Variants in PPP2R2B observed in about 807,000 individuals in gnomAD.
PPP2R2B encodes the protein serine/threonine-protein phosphatase 2A 55 kDa regulatory subunit B beta isoform.
Under a neutral mutation model 46.0 loss-of-function variants are expected in PPP2R2B, and 5 were observed. The observed-to-expected ratio is 0.11, with a 90% confidence interval of 0.06 to 0.23. PPP2R2B has a LOEUF of 0.23. Among genes scored for constraint, PPP2R2B ranks in the 10% least tolerant of loss-of-function variants. The pLI, the probability that PPP2R2B is intolerant of heterozygous loss-of-function variation, is 1.00. For missense variants in PPP2R2B, 367 were observed against 575.0 expected (o/e 0.64, Z 3.70); for synonymous variants, 215 against 206.7 (o/e 1.04, Z -0.34).
At chr5:146,616,080 T>C (rs574765757) in intron 7 of PPP2R2B, among the ~76,000 whole-genome samples, 27 of 152,200 alleles carry the variant, frequency 1.8e-4, no homozygotes, top group African/African-American at 6.0e-4. Flanking sequence ...AACAAATCTG[T>C]ATATCTACAG....
intron 1 of PPP2R2B, among the ~76,000 whole-genome samples, chr5:146,936,476 A>AT (rs1244473892): frequency 2.0e-5 from 3 of 151,332 alleles, no homozygotes; most frequent in Admixed American, 6.6e-5. Flanking sequence ...GAAAAGAAAA[A>AT]AAAAAAAAAC....
intron 1 of PPP2R2B, among the ~76,000 whole-genome samples, chr5:146,938,751 C>A (rs372191101): frequency 1.5e-5 from 1 of 65,926 alleles, no homozygotes; most frequent in Non-Finnish European, 2.7e-5. Flanking sequence ...AGATAATAGC[C>A]TTTTTTTTTT....
chr5:146,629,286 C>T lies in PPP2R2B; in HGVS notation c.790+8965G>A, dbSNP rs75263747. On this transcript the variant is annotated intron_variant, in intron 7 of 9. Transcript: ENST00000394411. ...AAAACTGTTCCTTCCCCAGTCTCCT[C>T]GTTTCAGTGTATGGTACCGTACAGT... 7.8e-3 allele frequency among the ~76,000 whole-genome samples: 1,195 copies of T among 152,272 alleles called. 24 individuals carry two copies. The highest frequency in any genetic ancestry group is 0.025 in the African/African-American group (1,038 of 41,542).
rs534151795 is a variant in PPP2R2B, at chr5:146,997,498, T to G, written c.79+58167A>C. Among the ~76,000 whole-genome samples the G allele has an allele frequency of 5.3e-5, 8 of 152,212 alleles. No individual in the cohort carries two copies. The East Asian group carries it at 1.6e-3, about 30-fold the overall frequency. ...TGTGCCTTACACATCCCTGACAATT[T>G]CAAGTACCCAACTTGAACCTACTGA... On this transcript the variant is annotated intron_variant, in intron 1 of 8. Coordinates refer to the PPP2R2B transcript ENST00000336640.
chr5:146,903,594 C>T (rs1371447403), intron 1 of PPP2R2B, among the ~76,000 whole-genome samples: 3 of 151,888 alleles, frequency 2.0e-5, no homozygotes, highest in Admixed American at 6.6e-5. Flanking sequence ...GATGGGGTTT[C>T]GCCATGTTGC....
At chr5:146,980,869 A>T (rs1753140450) in intron 1 of PPP2R2B, among the ~76,000 whole-genome samples, 1 of 152,152 alleles carries the variant, frequency 6.6e-6, no homozygotes, top group Non-Finnish European at 1.5e-5. Context: ...TAAAAACTCT[A>T]TATCCTTACT....
intron 1 of PPP2R2B, among the ~76,000 whole-genome samples, chr5:146,999,573 GCAA>G: frequency 6.6e-6 from 1 of 152,164 alleles, no homozygotes; most frequent in South Asian, 2.1e-4. Context: ...ACTGCTGTTA[GCAA>G]TCCCTCTCAG....
intron 2 of PPP2R2B, among the ~76,000 whole-genome samples, chr5:146,807,484 AT>A (rs1757246547): frequency 6.6e-6 from 1 of 152,218 alleles, no homozygotes; most frequent in Non-Finnish European, 1.5e-5. Flanking sequence ...CATATTTCAT[AT>A]TAAAAGATAA....
At chr5:146,673,180 G>C (rs1777484168) in intron 5 of PPP2R2B, among the ~76,000 whole-genome samples, 1 of 152,174 alleles carries the variant, frequency 6.6e-6, no homozygotes, top group Non-Finnish European at 1.5e-5. Flanking sequence ...CAGAAATATA[G>C]AGCAATCTAA....
At chr5:147,008,737 T>G (rs1281822955) in intron 1 of PPP2R2B, among the ~76,000 whole-genome samples, 1 of 152,120 alleles carries the variant, frequency 6.6e-6, no homozygotes, top group Non-Finnish European at 1.5e-5. Flanking sequence ...ACACCTCAGA[T>G]GTTTGAGGGT....
intron 2 of PPP2R2B, among the ~76,000 whole-genome samples, chr5:146,859,411 G>A (rs543360176): frequency 5.3e-4 from 81 of 152,306 alleles, no homozygotes; most frequent in Non-Finnish European, 8.7e-4. Context: ...AAAAGCAAGA[G>A]GAAGGGGCAA....
At chr5:147,079,082 A>G (rs78005138) in intron 2 of PPP2R2B, among the ~76,000 whole-genome samples, 3,436 of 152,142 alleles carry the variant, frequency 0.023, 100 homozygotes, top group African/African-American at 0.068. Context: ...TAGGTGACAT[A>G]AAATGGGATT....
At chr5:147,030,963 G>A (rs557592524) in intron 1 of PPP2R2B, among the ~76,000 whole-genome samples, 33 of 152,154 alleles carry the variant, frequency 2.2e-4, no homozygotes, top group South Asian at 1.0e-3. Flanking sequence ...ATGGCCGTGC[G>A]CGGTGGCTCA....
intron 7 of PPP2R2B, among the ~76,000 whole-genome samples, chr5:146,637,566 AT>A (rs1184643293): frequency 1.3e-5 from 2 of 152,236 alleles, no homozygotes; most frequent in East Asian, 3.9e-4. Context: ...CATCTGAACA[AT>A]TTCCCTAACA....
intron 1 of PPP2R2B, among the ~76,000 whole-genome samples, chr5:146,963,294 C>T (rs1170136004): frequency 6.6e-6 from 1 of 152,180 alleles, no homozygotes; most frequent in Non-Finnish European, 1.5e-5. Context: ...CTGACATCGC[C>T]TAGGGAATTT....
intron 5 of PPP2R2B, among the ~76,000 whole-genome samples, chr5:146,670,732 G>A (rs1777303323): frequency 6.6e-6 from 1 of 151,930 alleles, no homozygotes; most frequent in Admixed American, 6.6e-5. Flanking sequence ...CTGACTTCAA[G>A]CGATCCGCAT....
At chr5:146,998,091 C>T (rs914793426) in intron 1 of PPP2R2B, among the ~76,000 whole-genome samples, 6 of 152,204 alleles carry the variant, frequency 3.9e-5, no homozygotes, top group Non-Finnish European at 8.8e-5. Flanking sequence ...CAGAAAATAA[C>T]TTTAAGTCCC....
chr5:146,843,282 T>G (rs1379485615), intron 2 of PPP2R2B, among the ~76,000 whole-genome samples: 1 of 152,254 alleles, frequency 6.6e-6, no homozygotes, highest in African/African-American at 2.4e-5. Context: ...AATGACACTT[T>G]GTGAGTATCA....
chr5:146,996,616 G>C (rs1311213012), intron 1 of PPP2R2B, among the ~76,000 whole-genome samples: 1 of 152,124 alleles, frequency 6.6e-6, no homozygotes, highest in East Asian at 1.9e-4. Flanking sequence ...AGAAAAATGA[G>C]TTAGGAGGCT....
Sources: gnomAD v4.1 joint callset for allele counts (sites outside exome capture counted in the v4.1 genomes callset) on GRCh38, gnomAD v4.1.1 for gene constraint, MANE v1.5 for transcripts, NCBI Gene and HGNC (gene_info 2026-07-23, HGNC 2026-07-21) for gene names.